Variants in CEP162 observed in about 807,000 individuals in gnomAD.
CEP162 encodes centrosomal protein of 162 kDa.
CEP162 carries 141 observed loss-of-function variants against 169.2 expected under a neutral mutation model. That is an observed-to-expected ratio of 0.83 (90% CI 0.73 to 0.96). CEP162 has a LOEUF of 0.96. Ranked by LOEUF, CEP162 falls within the 40% of genes least tolerant of loss-of-function variation. CEP162 has a pLI of 0.00. For synonymous variants in CEP162, 540 were observed against 526.4 expected (o/e 1.03, Z -0.35); for missense variants, 1,600 against 1,587.2 (o/e 1.01, Z -0.14).
intron 22 of CEP162, among the ~76,000 whole-genome samples, chr6:84,155,006 TA>T (rs1170320539): frequency 2.0e-5 from 3 of 152,184 alleles, no homozygotes; most frequent in Non-Finnish European, 4.4e-5. Context: ...ACTGGATACA[TA>T]TCAGGTGTGT....
chr6:84,177,767 C>T (rs62449299), intron 13 of CEP162, among the ~76,000 whole-genome samples: 5,751 of 152,222 alleles, frequency 0.038, 166 homozygotes, highest in Admixed American at 0.091. Context: ...GAACTCTTTA[C>T]CTCAAGTGAC....
rs182626829 is a variant in CEP162, at chr6:84,205,535, A to C, written c.572-1439T>G. On this transcript the variant is annotated intron_variant, in intron 6 of 26. Coordinates refer to ENST00000403245, the MANE Select transcript of CEP162 (RefSeq NM_014895.4). The stretch of plus-strand genomic sequence containing the variant: ...AATTCAACAGCCCTTCATGCTAAAA[A>C]CTCTTAATAAACTAGGTATTCATGG... Among the ~76,000 whole-genome samples the C allele has an allele frequency of 8.3e-3, 1,264 of 152,186 alleles. 19 individuals are homozygous for C. Among genetic ancestry groups the C allele is most frequent in the African/African-American group, 0.029 (1,209 of 41,506 alleles).
chr6:84,161,951 A>G (rs2099525959), intron 19 of CEP162, 42 bp from the exon 20 acceptor site: 2 of 1,192,412 alleles, frequency 1.7e-6, no homozygotes, highest in East Asian at 4.8e-5. Context: ...GTTGTTCTCC[A>G]AAATATGGAA....
chr6:84,178,221 T>C (rs2099533179), intron 13 of CEP162, among the ~76,000 whole-genome samples: 2 of 152,198 alleles, frequency 1.3e-5, no homozygotes, highest in African/African-American at 4.8e-5. Flanking sequence ...TATTTAATAA[T>C]GTTAAAAAAT....
rs373516553 is a variant in CEP162, at chr6:84,185,334, A to G, written c.1516T>C (p.Leu506=). The change falls in exon 13 of 27, where the codon TTA becomes CTA. Residue 506 remains leucine, a synonymous_variant. Coordinates refer to ENST00000403245, the MANE Select transcript of CEP162 (RefSeq NM_014895.4). ...CCTGAGCTCCTAACTGACGCATATA[A>G]TCCACTCTGGGGTTTCCTTTTAAGT... The part of the protein sequence containing the change: ...PLLKRKPQSG[L]YASVRSSGYG... The G allele has an allele frequency of 3.4e-5, 55 of 1,613,450 alleles. No homozygotes were observed. Among genetic ancestry groups the G allele is most frequent in the Non-Finnish European group, 4.4e-5 (52 of 1,179,702 alleles).
Position 84,165,756 on chromosome 6 carries a change from T to C in CEP162, c.2386-2486A>G, listed in dbSNP as rs528274217. On this transcript the variant is annotated intron_variant, in intron 18 of 26. Transcript: ENST00000403245. The stretch of plus-strand genomic sequence containing the variant: ...ACAAGTTCTTATAAACTCTGTTTTA[T>C]ACTGTCTTACAATTTAAAATTCAGT... 1.4e-4 allele frequency among the ~76,000 whole-genome samples: 21 copies of C among 152,334 alleles called. No individual in the cohort carries two copies. In the South Asian group the frequency reaches 4.1e-3, roughly 30 times the overall value.
chr6:84,216,125 A>G (rs1182502335), intron 3 of CEP162, among the ~76,000 whole-genome samples: 2 of 152,222 alleles, frequency 1.3e-5, no homozygotes, highest in Non-Finnish European at 1.5e-5. Context: ...CATATTAAAT[A>G]GAATACTTCA....
chr6:84,211,830 C>A (rs771899015), intron 6 of CEP162, among the ~76,000 whole-genome samples: 1 of 149,926 alleles, frequency 6.7e-6, no homozygotes. Flanking sequence ...ATCAATGATG[C>A]TCAACCAACT....
intron 11 of CEP162, among the ~76,000 whole-genome samples, chr6:84,189,753 G>A (rs1057316362): frequency 6.6e-6 from 1 of 152,240 alleles, no homozygotes; most frequent in Non-Finnish European, 1.5e-5. Context: ...TGAGGAATGC[G>A]AGCACACGGC....
chr6:84,194,304 G>A (rs183241651), intron 10 of CEP162, among the ~76,000 whole-genome samples: 6 of 149,258 alleles, frequency 4.0e-5, no homozygotes, highest in African/African-American at 1.0e-4. Context: ...GCTGTGAGCC[G>A]AGATCGTGCC....
chr6:84,130,089 G>A lies in CEP162; in HGVS notation c.3871-3577C>T, dbSNP rs1301573440. On this transcript the variant is annotated intron_variant, in intron 25 of 26. Coordinates refer to ENST00000403245, the MANE Select transcript of CEP162 (RefSeq NM_014895.4). ...GCATGAACGGCTGTTGAATTTTGTC[G>A]AAGGCCTCTTCTGCATCTATAGAGA... Among the ~76,000 whole-genome samples the A allele has an allele frequency of 5.9e-5, 9 of 152,056 alleles. No individual in the cohort carries two copies. In the South Asian group the frequency reaches 6.2e-4, roughly 11 times the overall value.
intron 24 of CEP162, among the ~76,000 whole-genome samples, chr6:84,147,298 C>G (rs2099519303): frequency 6.6e-6 from 1 of 151,992 alleles, no homozygotes; most frequent in Non-Finnish European, 1.5e-5. Context: ...CTCATGAACA[C>G]AGAGAATAGA....
chr6:84,217,322 C>A (rs914513170), intron 3 of CEP162, among the ~76,000 whole-genome samples: 1 of 152,106 alleles, frequency 6.6e-6, no homozygotes, highest in Non-Finnish European at 1.5e-5. Context: ...ACAGAGAATG[C>A]AGGAATGGAG....
At chr6:84,184,294 T>C (rs1451475464) in intron 13 of CEP162, among the ~76,000 whole-genome samples, 2 of 152,316 alleles carry the variant, frequency 1.3e-5, no homozygotes, top group South Asian at 2.1e-4. Flanking sequence ...AAAATGTTCT[T>C]GGTCTCACCT....
intron 21 of CEP162, among the ~76,000 whole-genome samples, chr6:84,156,209 A>C (rs967419667): frequency 4.6e-5 from 7 of 152,160 alleles, no homozygotes; most frequent in Non-Finnish European, 2.9e-5. Context: ...CACACCTCTC[A>C]CTTTATACAA....
intron 21 of CEP162, 86 bp from the exon 22 acceptor site, chr6:84,155,596 C>G: frequency 2.3e-6 from 2 of 884,720 alleles, no homozygotes; most frequent in Non-Finnish European, 3.5e-6. Context: ...ACAGAAATCT[C>G]TGTATACAGT....
At position 84,126,447 on chromosome 6, in the gene CEP162, G is replaced by T. The variant is rs755774512; in HGVS notation, c.3936C>A (p.Phe1312Leu). 4 of 1,590,092 alleles carry T rather than the reference G, an allele frequency of 2.5e-6. No individual in the cohort carries two copies. Among genetic ancestry groups the T allele is most frequent in the Admixed American group, 1.8e-5 (1 of 56,726 alleles). The change falls in exon 26 of 27, where the codon TTC becomes TTA. Residue 1312 changes from phenylalanine to leucine, a missense_variant. Physicochemically the swap from Phe to Leu is conservative, Grantham distance 22. Transcript: ENST00000403245. ...KENHTPEMKH[F>L]VGLEKKIKQM... ...GCTTAATTTTCTTTTCTAAGCCCAC[G>T]AAATGTTTCATCTCTGGTGTATGGT...
At chr6:84,209,018 G>A (rs1356785605) in intron 6 of CEP162, among the ~76,000 whole-genome samples, 1 of 152,190 alleles carries the variant, frequency 6.6e-6, no homozygotes, top group Non-Finnish European at 1.5e-5. Flanking sequence ...AACTACTTAG[G>A]ATTTGGGAAC....
At position 84,194,913 on chromosome 6, in the gene CEP162, T is replaced by C; in HGVS notation, c.998A>G (p.Asn333Ser). 2.5e-6 allele frequency: 4 copies of C among 1,611,252 alleles called. No homozygotes were observed. The highest frequency in any genetic ancestry group is 1.3e-5 in the African/African-American group (1 of 74,928). The change falls in exon 10 of 27, where the codon AAT (asparagine) becomes AGT (serine). Residue 333 changes from asparagine to serine, a missense_variant. Asn to Ser is a conservative substitution (Grantham distance 46). Transcript: ENST00000403245. ...VKGHPQENEE[N>S]SKNISTMESD... is the part of the protein sequence containing the mutation. ...TTCCATAGTAGAGATGTTTTTTGAA[T>C]TCTCTTCATTTTCTTGAGGATGACC...
Sources: gnomAD v4.1 joint callset for allele counts (sites outside exome capture counted in the v4.1 genomes callset) on GRCh38, gnomAD v4.1.1 for gene constraint, MANE v1.5 for transcripts, NCBI Gene and HGNC (gene_info 2026-07-23, HGNC 2026-07-21) for gene names.